CDCA5: variants seen among roughly 807,000 people sequenced by gnomAD.
CDCA5 encodes the protein cell division cycle associated 5.
In CDCA5, 14 loss-of-function variants were observed where a neutral mutation model predicts 25.7. That is an observed-to-expected ratio of 0.54 (90% CI 0.36 to 0.85). The LOEUF (loss-of-function observed/expected upper bound fraction) is 0.85, where lower values mean the gene tolerates loss of function less well. CDCA5 is among the 40% of genes least tolerant of loss of function. The probability of loss-of-function intolerance (pLI) is 0.01; values close to 1 mark genes in which losing one functional copy is unlikely to be tolerated. For missense variants in CDCA5, 307 were observed against 324.5 expected (o/e 0.95, Z 0.41); for synonymous variants, 127 against 128.7 (o/e 0.99, Z 0.09).
intron 1 of CDCA5, among the ~76,000 whole-genome samples, chr11:65,070,118 C>T (rs911402241): frequency 1.2e-4 from 19 of 152,332 alleles, no homozygotes; most frequent in African/African-American, 4.3e-4. Flanking sequence ...TGGGGTCCTG[C>T]GAAGGGCCCA....
chr11:65,061,172 G>A, the CDCA5 span, among the ~76,000 whole-genome samples: 14 of 152,128 alleles, frequency 9.2e-5, no homozygotes, highest in African/African-American at 2.4e-4. Context: ...GTGGCCTCCC[G>A]GACACCATGT....
chr11:65,066,187 G>T, downstream of CDCA5: 1 of 301,570 alleles, frequency 3.3e-6, no homozygotes, highest in Non-Finnish European at 5.7e-6. Context: ...GGTGAGCTGA[G>T]GGAGTGGGGG....
downstream of CDCA5, among the ~76,000 whole-genome samples, chr11:65,072,938 C>CTTTTTTTTTTTTTTTT (rs751923442): frequency 5.0e-5 from 5 of 99,958 alleles, no homozygotes; most frequent in Non-Finnish European, 6.0e-5. Context: ...TTATTTCATT[C>CTTTTTTTTTTTTTTTT]TTTTTTTTTT....
At chr11:65,065,108 C>T (rs967416562), downstream of CDCA5, among the ~76,000 whole-genome samples, 1 of 152,060 alleles carries the variant, frequency 6.6e-6, no homozygotes, top group Non-Finnish European at 1.5e-5. Flanking sequence ...CAGCCCGTTC[C>T]GTGTCACACG....
chr11:65,061,448 G>C (rs1249205439), downstream of CDCA5, among the ~76,000 whole-genome samples: 1 of 152,140 alleles, frequency 6.6e-6, no homozygotes, highest in Non-Finnish European at 1.5e-5. Context: ...CATGTTTATG[G>C]TTTTGGGCTA....
downstream of CDCA5, among the ~76,000 whole-genome samples, chr11:65,076,210 G>A (rs1231799268): frequency 6.6e-6 from 1 of 152,174 alleles, no homozygotes; most frequent in Non-Finnish European, 1.5e-5. Flanking sequence ...CGACCTCCCA[G>A]GCTCAGGTGA....
At chr11:65,068,989 C>A (rs555893691) in intron 1 of CDCA5, among the ~76,000 whole-genome samples, 2 of 152,292 alleles carry the variant, frequency 1.3e-5, no homozygotes, top group East Asian at 3.9e-4. Context: ...CCTGTAATCC[C>A]AGCACTTTTG....
In CDCA5 at chr11:65,080,198, C is replaced by T. The variant is rs534845619; in HGVS notation, c.244-411G>A. On this transcript the variant is annotated intron_variant, in intron 4 of 5. Transcript: ENST00000275517. ...AGCCACCATGCCCGGCCAACACACACTTTTTTTAAGGAAGGGACAAATCAG... is the reference window on the plus strand; with the variant it reads ...AGCCACCATGCCCGGCCAACACACATTTTTTTTAAGGAAGGGACAAATCAG... 3.3e-5 allele frequency among the ~76,000 whole-genome samples: 5 copies of T among 152,160 alleles called. No homozygotes were observed. In the East Asian group the frequency reaches 9.7e-4, roughly 29 times the overall value.
Position 65,078,495 on chromosome 11 carries a change from T to C in CDCA5, c.*612A>G, listed in dbSNP as rs995266061. 9 of 985,392 alleles carry C rather than the reference T, an allele frequency of 9.1e-6. No homozygotes were observed. The highest frequency in any genetic ancestry group is 1.1e-5 in the Non-Finnish European group (9 of 830,002). 61.0% of individuals were successfully genotyped at this position (985,392 alleles called of 1,614,324 possible). On this transcript the variant is annotated 3_prime_UTR_variant, in exon 6 of 6. Coordinates refer to ENST00000275517, the MANE Select transcript of CDCA5 (RefSeq NM_080668.4). Reference sequence around the variant, plus strand: ...TTATGGTCTGAGACCCAACTAAGGCTCCCTACATCCTTCAAAACTCAGACT... The same window carrying C: ...TTATGGTCTGAGACCCAACTAAGGCCCCCTACATCCTTCAAAACTCAGACT...
At position 65,078,092 on chromosome 11, in the gene CDCA5, C is replaced by T. The variant is rs749459684; in HGVS notation, c.*1015G>A. 9.1e-6 allele frequency: 9 copies of T among 985,372 alleles called. No homozygotes were observed. The highest frequency in any genetic ancestry group is 1.1e-5 in the Non-Finnish European group (9 of 829,964). 61.0% of individuals were successfully genotyped at this position (985,372 alleles called of 1,614,324 possible). On this transcript the variant is annotated 3_prime_UTR_variant, in exon 6 of 6. Transcript: ENST00000275517. ...GCCAAAAACTAAAATTGCTATCAGC[C>T]CCCGCCGCTGTCTGGTACGCGAGGA...
At chr11:65,069,812 C>T (rs998407781) in intron 1 of CDCA5, among the ~76,000 whole-genome samples, 11 of 152,252 alleles carry the variant, frequency 7.2e-5, no homozygotes, top group Admixed American at 1.3e-4. Flanking sequence ...TTCACTCATG[C>T]GCTTACTGGT....
At chr11:65,068,360 C>G in intron 2 of CDCA5, 2 of 532,790 alleles carry the variant, frequency 3.8e-6, no homozygotes, top group Non-Finnish European at 6.1e-6. Flanking sequence ...TGGGCCTGGA[C>G]GCCCTGACAG....
chr11:65,078,514 T>C lies in CDCA5; in HGVS notation c.*593A>G. The C allele has an allele frequency of 2.0e-6, 2 of 985,606 alleles. No homozygotes were observed. The highest frequency in any genetic ancestry group is 4.7e-5 in the South Asian group (1 of 21,288). 61.1% of individuals were successfully genotyped at this position (985,606 alleles called of 1,614,324 possible). A position where few individuals can be genotyped will look rare whatever the true frequency, so the allele number is the denominator to read the frequency against. On this transcript the variant is annotated 3_prime_UTR_variant, in exon 6 of 6. Transcript: ENST00000275517. ...TAAGGCTCCCTACATCCTTCAAAAC[T>C]CAGACTCCACAGGCTGAATGTCCAG...
At chr11:65,069,093 G>A (rs1947294600) in intron 1 of CDCA5, among the ~76,000 whole-genome samples, 1 of 152,092 alleles carries the variant, frequency 6.6e-6, no homozygotes, top group Non-Finnish European at 1.5e-5. Flanking sequence ...TTAAAAAATT[G>A]GCTGGGCATC....
At chr11:65,071,236 T>C (rs993662673) in intron 1 of CDCA5, among the ~76,000 whole-genome samples, 1 of 151,726 alleles carries the variant, frequency 6.6e-6, no homozygotes, top group Non-Finnish European at 1.5e-5. Context: ...GCCACCGTGC[T>C]CGGCCGGGAT....
intron 2 of CDCA5, chr11:65,068,451 G>T: frequency 8.5e-7 from 1 of 1,172,010 alleles, no homozygotes; most frequent in Non-Finnish European, 1.1e-6. Flanking sequence ...TGCCTCCCCT[G>T]CCCACTGCCT....
intron 4 of CDCA5, among the ~76,000 whole-genome samples, chr11:65,082,280 C>G (rs2137145269): frequency 6.6e-6 from 1 of 152,282 alleles, no homozygotes; most frequent in Non-Finnish European, 1.5e-5. Flanking sequence ...AGAATGATGC[C>G]CAAGCCATGA....
downstream of CDCA5, among the ~76,000 whole-genome samples, chr11:65,064,391 G>A (rs58791139): frequency 2.3e-3 from 341 of 146,444 alleles, 1 homozygote; most frequent in African/African-American, 8.3e-3. Context: ...GCACTGTAGC[G>A]TGGGCGACAG....
chr11:65,063,389 G>C (rs1435778039), downstream of CDCA5, among the ~76,000 whole-genome samples: 1 of 152,190 alleles, frequency 6.6e-6, no homozygotes, highest in African/African-American at 2.4e-5. Flanking sequence ...TGCTCCCACT[G>C]GGCCTGCAAA....
Sources: gnomAD v4.1 joint callset for allele counts (sites outside exome capture counted in the v4.1 genomes callset) on GRCh38, gnomAD v4.1.1 for gene constraint, MANE v1.5 for transcripts, NCBI Gene and HGNC (gene_info 2026-07-23, HGNC 2026-07-21) for gene names.